The following HECW1 variants were observed in gnomAD, a reference collection of about 807,000 sequenced individuals.
The protein encoded by HECW1 is E3 ubiquitin-protein ligase HECW1.
A neutral mutation model predicts 182.3 loss-of-function variants in HECW1; 61 were observed. The observed-to-expected ratio is 0.33, with a 90% CI of 0.27 to 0.41. The LOEUF (loss-of-function observed/expected upper bound fraction) is 0.41, where lower values mean the gene tolerates loss of function less well. HECW1 is among the 10% of genes least tolerant of loss of function. The pLI is 1.00. For synonymous variants in HECW1, 859 were observed against 832.6 expected, an observed-to-expected ratio of 1.03 and a Z score of -0.55; for missense variants, 1,739 against 2,108.9, an observed-to-expected ratio of 0.82 and a Z score of 3.44.
intron 3 of HECW1, among the ~76,000 whole-genome samples, chr7:43,294,250 T>C (rs1245416162): frequency 1.3e-5 from 2 of 152,228 alleles, no homozygotes; most frequent in Non-Finnish European, 2.9e-5. Flanking sequence ...CTCTGGTGCC[T>C]TTGGCATGTC....
intron 2 of HECW1, among the ~76,000 whole-genome samples, chr7:43,193,390 CT>C (rs926472758): frequency 2.2e-3 from 332 of 151,134 alleles, no homozygotes; most frequent in Non-Finnish European, 3.6e-3. Flanking sequence ...CACGTGTTTT[CT>C]TTTTTTTTGA....
At chr7:43,479,849 C>A in intron 17 of HECW1, 105 bp downstream of exon 17, 1 of 1,382,542 alleles carries the variant, frequency 7.2e-7, no homozygotes, top group Non-Finnish European at 1.0e-6. Context: ...GTTGCCTGCG[C>A]TGGAAGAGAT....
chr7:43,192,586 C>A (rs185358866), intron 2 of HECW1, among the ~76,000 whole-genome samples: 22 of 152,132 alleles, frequency 1.4e-4, no homozygotes, highest in Admixed American at 1.2e-3. Flanking sequence ...TCAATTAAAT[C>A]TCCTAATTAT....
intron 6 of HECW1, among the ~76,000 whole-genome samples, chr7:43,369,537 G>A (rs114899336): frequency 1.9e-3 from 292 of 152,228 alleles, no homozygotes; most frequent in African/African-American, 6.6e-3. Flanking sequence ...CTTTTTGGGA[G>A]AGAACACCTT....
Position 43,550,200 on chromosome 7 carries a change from G to A in HECW1, c.4249-245G>A, listed in dbSNP as rs141148937. ...CTACTCAGGAGGCTGAGGCAGGAGG[G>A]TCATTTGCCCCCAGGAATGCAGGGC... On this transcript the variant is annotated intron_variant, in intron 26 of 29. Coordinates refer to ENST00000395891, the MANE Select transcript of HECW1 (RefSeq NM_015052.5). Among the ~76,000 whole-genome samples the A allele has an allele frequency of 4.7e-3, 721 of 152,230 alleles. 3 individuals are homozygous for A. The highest frequency in any genetic ancestry group is 0.016 in the African/African-American group (656 of 41,568).
intron 24 of HECW1, among the ~76,000 whole-genome samples, chr7:43,515,101 G>A (rs1015679190): frequency 6.6e-6 from 1 of 152,212 alleles, no homozygotes; most frequent in Admixed American, 6.5e-5. Flanking sequence ...AAAAATGAAT[G>A]AGAATAATTG....
At chr7:43,513,673 T>A (rs1005366193) in intron 24 of HECW1, among the ~76,000 whole-genome samples, 2 of 151,946 alleles carry the variant, frequency 1.3e-5, no homozygotes, top group Non-Finnish European at 2.9e-5. Context: ...AAACTGTTTG[T>A]GGGTTTTGGT....
chr7:43,557,291 A>T (rs1010918612), intron 29 of HECW1, among the ~76,000 whole-genome samples: 1 of 152,216 alleles, frequency 6.6e-6, no homozygotes, highest in East Asian at 1.9e-4. Context: ...GGCAGCCTTC[A>T]GCTCTTTCCT....
intron 2 of HECW1, among the ~76,000 whole-genome samples, chr7:43,189,862 A>G (rs1219407935): frequency 6.6e-6 from 1 of 152,194 alleles, no homozygotes; most frequent in Non-Finnish European, 1.5e-5. Flanking sequence ...CAGTTCCAAA[A>G]GTGCCTGGTA....
At chr7:43,290,930 G>A (rs996237754) in intron 3 of HECW1, among the ~76,000 whole-genome samples, 17 of 152,180 alleles carry the variant, frequency 1.1e-4, no homozygotes, top group African/African-American at 4.1e-4. Context: ...CCATCCCAGA[G>A]GAGCCAGGAT....
chr7:43,467,702 A>C (rs143306627), intron 15 of HECW1, among the ~76,000 whole-genome samples: 1 of 152,182 alleles, frequency 6.6e-6, no homozygotes, highest in Non-Finnish European at 1.5e-5. Flanking sequence ...GAATGGCTCC[A>C]TTCAGGGACA....
At chr7:43,197,945 C>T (rs1794621691) in intron 2 of HECW1, among the ~76,000 whole-genome samples, 1 of 151,992 alleles carries the variant, frequency 6.6e-6, no homozygotes, top group Admixed American at 6.6e-5. Context: ...GTGGCTGCCC[C>T]GTTCAGTCTG....
chr7:43,163,780 G>A (rs1214859050), intron 2 of HECW1, among the ~76,000 whole-genome samples: 1 of 152,090 alleles, frequency 6.6e-6, no homozygotes, highest in Admixed American at 6.5e-5. Flanking sequence ...CACATCTTGG[G>A]TCTAACCACT....
intron 3 of HECW1, among the ~76,000 whole-genome samples, chr7:43,253,374 C>A (rs1421763564): frequency 6.6e-6 from 1 of 152,110 alleles, no homozygotes; most frequent in Non-Finnish European, 1.5e-5. Flanking sequence ...GTGGTGATGG[C>A]GAGGATGCAG....
intron 2 of HECW1, among the ~76,000 whole-genome samples, chr7:43,204,824 A>G (rs1355164062): frequency 6.6e-6 from 1 of 152,200 alleles, no homozygotes; most frequent in African/African-American, 2.4e-5. Flanking sequence ...AGGACAGGAC[A>G]TAGTTTTGCC....
rs750964433 is a variant in HECW1, at chr7:43,492,049, T to C, written c.3235-26T>C. On this transcript the variant is annotated intron_variant, in intron 17 of 29. Coordinates refer to ENST00000395891, the MANE Select transcript of HECW1 (RefSeq NM_015052.5). ...ATCTGAAATTGATACAAATTTCTAA[T>C]GCTTATGCTTTTATTCTAAAATTAG... 25 of 1,520,372 alleles carry C rather than the reference T, an allele frequency of 1.6e-5. No individual in the cohort carries two copies. The Admixed American group carries it at 2.1e-4, about 13-fold the overall frequency. 94.2% of individuals were successfully genotyped at this position (1,520,372 alleles called of 1,614,324 possible). A position where few individuals can be genotyped will look rare whatever the true frequency, so the allele number is the denominator to read the frequency against.
intron 2 of HECW1, among the ~76,000 whole-genome samples, chr7:43,181,059 C>G (rs934044939): frequency 1.3e-4 from 19 of 151,296 alleles, no homozygotes; most frequent in Non-Finnish European, 2.5e-4. Flanking sequence ...TCTATGAGAT[C>G]AACTTTTTAA....
intron 6 of HECW1, among the ~76,000 whole-genome samples, chr7:43,384,889 C>T (rs1284157846): frequency 6.6e-6 from 1 of 152,148 alleles, no homozygotes; most frequent in Non-Finnish European, 1.5e-5. Context: ...TACCCAAAGG[C>T]TTTGCAGTCG....
intron 24 of HECW1, among the ~76,000 whole-genome samples, chr7:43,527,770 G>A (rs1256653313): frequency 6.6e-6 from 1 of 152,076 alleles, no homozygotes; most frequent in Non-Finnish European, 1.5e-5. Flanking sequence ...TGTTTCTAAA[G>A]AATACACCAG....
Sources: allele counts gnomAD v4.1 joint callset (sites outside exome capture counted in the v4.1 genomes callset), GRCh38; gene constraint gnomAD v4.1.1; transcripts MANE v1.5; gene names NCBI Gene and HGNC (gene_info 2026-07-23, HGNC 2026-07-21).